WDR64: variants seen among roughly 807,000 people sequenced by gnomAD.
WDR64 encodes the protein WD repeat-containing protein 64.
In WDR64, 112 loss-of-function variants were observed where a neutral mutation model predicts 139.3. The observed-to-expected ratio is 0.80, with a 90% CI of 0.69 to 0.94. The LOEUF (loss-of-function observed/expected upper bound fraction) is 0.94. Ranked by LOEUF, WDR64 falls within the 40% of genes least tolerant of loss-of-function variation. The pLI, the probability that WDR64 is intolerant of heterozygous loss-of-function variation, is 0.00. For synonymous variants in WDR64, 444 were observed against 437.7 expected (o/e 1.01, Z -0.18); for missense variants, 1,206 against 1,293.1 (o/e 0.93, Z 1.03).
chr1:241,668,278 G>T (rs975905509), intron 2 of WDR64, among the ~76,000 whole-genome samples: 6 of 152,092 alleles, frequency 3.9e-5, no homozygotes, highest in East Asian at 1.9e-4. Context: ...GGGAGGCCGA[G>T]GGGGGCGGAT....
chr1:241,693,783 C>T (rs1460985890), intron 8 of WDR64, among the ~76,000 whole-genome samples: 3 of 152,038 alleles, frequency 2.0e-5, no homozygotes, highest in Non-Finnish European at 4.4e-5. Context: ...CCATATTATT[C>T]GGATTTAGCC....
At chr1:241,757,055 T>A (rs1670218499) in intron 14 of WDR64, among the ~76,000 whole-genome samples, 1 of 152,174 alleles carries the variant, frequency 6.6e-6, no homozygotes, top group Admixed American at 6.5e-5. Flanking sequence ...TGTATGTATA[T>A]GTAGAAATAT....
At chr1:241,718,297 A>G (rs1343792361) in intron 9 of WDR64, among the ~76,000 whole-genome samples, 8 of 152,214 alleles carry the variant, frequency 5.3e-5, no homozygotes, top group African/African-American at 1.9e-4. Flanking sequence ...GTAAAAACAC[A>G]GAAGAAGGAG....
intron 8 of WDR64, among the ~76,000 whole-genome samples, chr1:241,706,646 CA>C (rs1667964846): frequency 6.6e-6 from 1 of 152,132 alleles, no homozygotes; most frequent in South Asian, 2.1e-4. Flanking sequence ...TAAATTAGTT[CA>C]AAAAACTGTT....
intron 10 of WDR64, among the ~76,000 whole-genome samples, chr1:241,728,332 CAGA>C (rs1365308481): frequency 2.1e-4 from 25 of 120,114 alleles, no homozygotes; most frequent in Non-Finnish European, 3.0e-4. Context: ...GACTCAGTCT[CAGA>C]AAAGAAGAAG....
At chr1:241,723,979 A>T (rs116410353) in intron 10 of WDR64, among the ~76,000 whole-genome samples, 2,035 of 152,088 alleles carry the variant, frequency 0.013, 51 homozygotes, top group African/African-American at 0.047. Flanking sequence ...AAAATAAATA[A>T]GGAAATAAAT....
chr1:241,662,935 C>A lies in WDR64; in HGVS notation c.276+2275C>A, dbSNP rs1337945677. ...ATATGTAATCAATTATTTAAAAATACAAAATTCTCATTATTTGTGGATATT... is the reference window on the plus strand; with the variant it reads ...ATATGTAATCAATTATTTAAAAATAAAAAATTCTCATTATTTGTGGATATT... On this transcript the variant is annotated intron_variant, in intron 2 of 27. Transcript: ENST00000437684. 3.3e-5 allele frequency among the ~76,000 whole-genome samples: 5 copies of A among 152,130 alleles called. No individual in the cohort carries two copies. The East Asian group carries it at 7.7e-4, about 24-fold the overall frequency.
rs544397234 is a variant in WDR64 at position 241,709,529 on chromosome 1, G to A, written c.975-2273G>A. Among the ~76,000 whole-genome samples, 7 of 152,046 alleles carry A rather than the reference G, an allele frequency of 4.6e-5. No homozygotes were observed. In the South Asian group the frequency reaches 6.2e-4, roughly 14 times the overall value. On this transcript the variant is annotated intron_variant, in intron 8 of 27. Coordinates refer to ENST00000437684, the MANE Select transcript of WDR64 (RefSeq NM_001367482.1). The stretch of plus-strand genomic sequence containing the variant: ...CTTGGGAGGTTGAGGCAGGAGGATC[G>A]CTTGAGTCCAACAGTTTGAGGCTGC...
At position 241,687,543 on chromosome 1, in the gene WDR64, G is replaced by C; in HGVS notation, c.922G>C (p.Asp308His). ...AAATTGTTTTGGATCCTGCTCCTTA[G>C]ACAGTAATCATTCATTAGTTTTGGA... Reference protein sequence around the residue: ...ALNCFGSCSLDSNHSLVLESL... With the variant: ...ALNCFGSCSLHSNHSLVLESL... The change falls in exon 8 of 28, where the codon GAC becomes CAC. Residue 308 changes from aspartate to histidine, a missense_variant. Transcript: ENST00000437684. The C allele has an allele frequency of 6.2e-7, 1 of 1,613,718 alleles. No individual in the cohort carries two copies. The highest frequency in any genetic ancestry group is 2.2e-5 in the East Asian group (1 of 44,828).
chr1:241,767,871 T>C (rs1007323761), intron 16 of WDR64, among the ~76,000 whole-genome samples: 7 of 152,178 alleles, frequency 4.6e-5, no homozygotes, highest in African/African-American at 1.7e-4. Context: ...CTGGAATTCC[T>C]GTCATCCTTC....
chr1:241,738,970 C>T (rs1669431425), intron 11 of WDR64, among the ~76,000 whole-genome samples: 1 of 152,206 alleles, frequency 6.6e-6, no homozygotes, highest in Admixed American at 6.5e-5. Flanking sequence ...TCCTATTTTA[C>T]AGCGGCTGCA....
intron 16 of WDR64, among the ~76,000 whole-genome samples, chr1:241,768,106 T>C (rs529274602): frequency 9.3e-4 from 142 of 152,316 alleles, no homozygotes; most frequent in South Asian, 2.3e-3. Context: ...CCCGTGATAA[T>C]AATCCCACTT....
chr1:241,746,583 A>ATT (rs1558504458), intron 13 of WDR64, among the ~76,000 whole-genome samples: 15 of 151,452 alleles, frequency 9.9e-5, no homozygotes, highest in Admixed American at 4.6e-4. Flanking sequence ...AAAAAAAAAA[A>ATT]TTTTCAACAG....
intron 13 of WDR64, among the ~76,000 whole-genome samples, chr1:241,748,893 T>TCG (rs1310400037): frequency 6.8e-6 from 1 of 146,726 alleles, no homozygotes; most frequent in Non-Finnish European, 1.5e-5. Context: ...TGAGCCGAGA[T>TCG]CGCCACTGCA....
intron 14 of WDR64, among the ~76,000 whole-genome samples, chr1:241,752,293 A>G (rs915517811): frequency 2.0e-5 from 3 of 152,230 alleles, no homozygotes; most frequent in Non-Finnish European, 4.4e-5. Context: ...GTAACTTTTC[A>G]CAAAGCTACT....
chr1:241,677,957 TC>T (rs749439175), intron 4 of WDR64, among the ~76,000 whole-genome samples: 3 of 152,180 alleles, frequency 2.0e-5, no homozygotes, highest in South Asian at 2.1e-4. Context: ...AACAGCACAG[TC>T]ACCAGGTTTA....
intron 8 of WDR64, among the ~76,000 whole-genome samples, chr1:241,701,247 TAC>T (rs1463471302): frequency 6.6e-6 from 1 of 152,032 alleles, no homozygotes; most frequent in African/African-American, 2.4e-5. Context: ...CCATTCCATT[TAC>T]ACACACATAC....
chr1:241,775,266 T>C lies in WDR64; in HGVS notation c.2536+56T>C, dbSNP rs1192114333. ...AGGTGTCTTAATAGCTTACCTGATA[T>C]AAAAATGGCTTTAGGAAAAATACAT... On this transcript the variant is annotated intron_variant, in intron 21 of 27. Coordinates refer to ENST00000437684, the MANE Select transcript of WDR64 (RefSeq NM_001367482.1). 9.2e-6 allele frequency: 13 copies of C among 1,414,392 alleles called. No homozygotes were observed. In the East Asian group the frequency reaches 1.7e-4, roughly 19 times the overall value. The allele number at this position is 1,414,392 out of a possible 1,614,324, so 87.6% of individuals were successfully genotyped here.
intron 2 of WDR64, among the ~76,000 whole-genome samples, chr1:241,665,637 C>A (rs924438528): frequency 1.3e-5 from 2 of 152,104 alleles, no homozygotes; most frequent in Non-Finnish European, 2.9e-5. Flanking sequence ...TCTAGACCTG[C>A]TCCTTCAATT....
Sources: gnomAD v4.1 joint callset for allele counts (sites outside exome capture counted in the v4.1 genomes callset) on GRCh38, gnomAD v4.1.1 for gene constraint, MANE v1.5 for transcripts, NCBI Gene and HGNC (gene_info 2026-07-23, HGNC 2026-07-21) for gene names.